Variants in CRLF1 observed in about 807,000 individuals in gnomAD.
The protein encoded by CRLF1 is cytokine receptor like factor 1, also known as cytokine receptor-like factor 1.
A neutral mutation model predicts 48.9 loss-of-function variants in CRLF1; 36 were observed. The observed-to-expected ratio is 0.74, with a 90% CI of 0.56 to 0.97. The LOEUF (loss-of-function observed/expected upper bound fraction) is 0.97, where lower values mean the gene tolerates loss of function less well. Among genes scored for constraint, CRLF1 ranks in the 50% least tolerant of loss-of-function variants. The pLI is 0.00. For missense variants in CRLF1, 534 were observed against 575.1 expected (o/e 0.93, Z 0.73); for synonymous variants, 256 against 253.4 (o/e 1.01, Z -0.10).
At chr19:18,593,685 C>T in intron 8 of CRLF1, 106 bp from the exon 9 acceptor site, 2 of 1,544,462 alleles carry the variant, frequency 1.3e-6, no homozygotes, top group Non-Finnish European at 1.7e-6. Context: ...CCGCTTCTGG[C>T]TGTGTGACTT....
At chr19:18,601,477 G>A (rs548757952) in intron 1 of CRLF1, among the ~76,000 whole-genome samples, 42 of 152,154 alleles carry the variant, frequency 2.8e-4, no homozygotes, top group Non-Finnish European at 5.3e-4. Context: ...TGGTTTCACC[G>A]TGCTGGTCAG....
intron 1 of CRLF1, among the ~76,000 whole-genome samples, chr19:18,604,738 A>G (rs1231564041): frequency 6.6e-6 from 1 of 151,956 alleles, no homozygotes; most frequent in East Asian, 1.9e-4. Context: ...CTTGGTTTGG[A>G]GGGCCTCCTA....
chr19:18,600,689 C>T (rs1470132070), intron 1 of CRLF1, among the ~76,000 whole-genome samples: 4 of 151,902 alleles, frequency 2.6e-5, no homozygotes, highest in African/African-American at 7.3e-5. Flanking sequence ...TTAGTAGAGA[C>T]GGGGTTTCAC....
intron 6 of CRLF1, among the ~76,000 whole-genome samples, chr19:18,594,852 T>TGGAGACGCAGGGTGGGTG (rs1976110172): frequency 6.6e-6 from 1 of 151,100 alleles, no homozygotes; most frequent in African/African-American, 2.4e-5. Flanking sequence ...GATGGAGAGA[T>TGGAGACGCAGGGTGGGTG]GGAGACGCAG....
intron 8 of CRLF1, 124 bp downstream of exon 8, chr19:18,593,941 C>T: frequency 6.7e-7 from 1 of 1,481,934 alleles, no homozygotes. Flanking sequence ...AGGAAGAGGA[C>T]GGATTCCATC....
At chr19:18,594,032 T>TTGA in intron 8 of CRLF1, 33 bp downstream of exon 8, 1 of 695,814 alleles carries the variant, frequency 1.4e-6, no homozygotes, top group Non-Finnish European at 2.2e-6. Context: ...CTCCCCTTGC[T>TTGA]CCCTCCCGCC....
chr19:18,600,602 A>G (rs1270618113), intron 1 of CRLF1, among the ~76,000 whole-genome samples: 1 of 151,990 alleles, frequency 6.6e-6, no homozygotes, highest in Non-Finnish European at 1.5e-5. Context: ...TCCTGACCTC[A>G]TGATCCATCC....
intron 1 of CRLF1, among the ~76,000 whole-genome samples, chr19:18,601,610 G>C (rs879836211): frequency 6.6e-6 from 1 of 151,900 alleles, no homozygotes. Context: ...CGCCATGTTG[G>C]CCAGGCTGGT....
Position 18,596,901 on chromosome 19 carries a change from C to G in CRLF1, c.846G>C (p.Val282=). Residue 282 remains valine (V), a synonymous_variant, in exon 5 of 9, where the codon GTG becomes GTC. Transcript: ENST00000392386. ...GGAAGGGGAGGGTCACCTTCCAGTC[C>G]ACACTGTCCTCCACTCGGTAGCGGA... ...YQIRYRVEDS[V]DWKVVDDVSN... 6.2e-7 allele frequency: 1 copy of G among 1,614,112 alleles called. No homozygotes were observed. The highest frequency in any genetic ancestry group is 8.5e-7 in the Non-Finnish European group (1 of 1,180,022).
chr19:18,603,914 G>C (rs1349467308), intron 1 of CRLF1, among the ~76,000 whole-genome samples: 1 of 151,720 alleles, frequency 6.6e-6, no homozygotes, highest in East Asian at 1.9e-4. Context: ...CTGGGGGCCA[G>C]GGGACCGCCC....
In CRLF1 at chr19:18,594,246, C is replaced by T. The variant is rs1326015349; in HGVS notation, c.1212+1G>A. The T allele has an allele frequency of 6.2e-7, 1 of 1,612,510 alleles. No individual in the cohort carries two copies. The highest frequency in any genetic ancestry group is 2.2e-5 in the East Asian group (1 of 44,832). ...CACGCCCGAGGGTCCCTCCTTCCTA[C>T]CTGGTTGCGGGTCTTGTGCGACTTC... On this transcript the variant is annotated splice_donor_variant, in intron 7 of 8. Transcript: ENST00000392386. LOFTEE classifies it high-confidence loss of function.
In CRLF1 at chr19:18,598,617, G is replaced by A. The variant is rs1026082637; in HGVS notation, c.528-16C>T. 2.7e-5 allele frequency: 43 copies of A among 1,613,864 alleles called. No individual in the cohort carries two copies. Among genetic ancestry groups the A allele is most frequent in the Non-Finnish European group, 3.6e-5 (43 of 1,179,988 alleles). On this transcript the variant is annotated splice_polypyrimidine_tract_variant and intron_variant, in intron 3 of 8. Coordinates refer to ENST00000392386, the MANE Select transcript of CRLF1 (RefSeq NM_004750.5). ...GCCATACCACCTGCGGGGATGGGAG[G>A]GCGACAGGACGCATGAGGGTTCCTT...
intron 1 of CRLF1, among the ~76,000 whole-genome samples, chr19:18,602,490 T>C (rs1244900037): frequency 6.6e-6 from 1 of 151,860 alleles, no homozygotes; most frequent in Non-Finnish European, 1.5e-5. Flanking sequence ...GGTGGCCCCA[T>C]GCCTGTGGTC....
intron 8 of CRLF1, 158 bp from the exon 9 acceptor site, chr19:18,593,737 C>A: frequency 1.0e-6 from 1 of 983,920 alleles, no homozygotes; most frequent in Non-Finnish European, 1.2e-6. Context: ...GCGAGGCTAT[C>A]TGAGCTGCAG....
chr19:18,597,520 C>T, intron 4 of CRLF1, among the ~76,000 whole-genome samples: 1 of 145,678 alleles, frequency 6.9e-6, no homozygotes, highest in Non-Finnish European at 1.5e-5. Context: ...AGCTCCGCCT[C>T]CCGGGTTCAC....
chr19:18,598,574 C>G lies in CRLF1; in HGVS notation c.555G>C (p.Glu185Asp). 1 of 1,614,068 alleles carries G rather than the reference C, an allele frequency of 6.2e-7. No individual in the cohort carries two copies. Among genetic ancestry groups the G allele is most frequent in the Non-Finnish European group, 8.5e-7 (1 of 1,179,968 alleles). ...LRWYGQDNTC[E>D]EYHTVGPHSC... ...AGTGGGGCCCCACTGTGTGGTACTC[C>G]TCACATGTGTTGTCCTGGCCATACC... Residue 185 changes from glutamate (E) to aspartate (D), a missense_variant, in exon 4 of 9, where the codon GAG (glutamate) becomes GAC (aspartate). Glu to Asp is a conservative substitution (Grantham distance 45). Transcript: ENST00000392386.
At chr19:18,594,731 G>T (rs1976107979) in intron 6 of CRLF1, among the ~76,000 whole-genome samples, 1 of 151,878 alleles carries the variant, frequency 6.6e-6, no homozygotes, top group South Asian at 2.1e-4. Flanking sequence ...GGGGAGGGGA[G>T]AATGAGAGAG....
intron 8 of CRLF1, 52 bp downstream of exon 8, chr19:18,594,013 G>C (rs1210884677): frequency 2.6e-6 from 4 of 1,539,148 alleles, no homozygotes; most frequent in Non-Finnish European, 3.5e-6. Flanking sequence ...GCAGCCACCG[G>C]AAGGGGCCCT....
rs1976149783 is a variant in CRLF1 at position 18,597,120 on chromosome 19, A to G, written c.698-71T>C. 4 of 1,528,692 alleles carry G rather than the reference A, an allele frequency of 2.6e-6. No homozygotes were observed. The South Asian group carries it at 3.7e-5, about 14-fold the overall frequency. The allele number at this position is 1,528,692 out of a possible 1,614,324, so 94.7% of individuals were successfully genotyped here. On this transcript the variant is annotated intron_variant, in intron 4 of 8. Coordinates refer to ENST00000392386, the MANE Select transcript of CRLF1 (RefSeq NM_004750.5). ...TTAACTCCCCCCAGCAGTGTGGCCCAGGGCACTTGGCCTAGATGGAACCTG... is the reference window on the plus strand; with the variant it reads ...TTAACTCCCCCCAGCAGTGTGGCCCGGGGCACTTGGCCTAGATGGAACCTG...
Sources: gnomAD v4.1 joint callset for allele counts (sites outside exome capture counted in the v4.1 genomes callset) on GRCh38, gnomAD v4.1.1 for gene constraint, MANE v1.5 for transcripts, NCBI Gene and HGNC (gene_info 2026-07-23, HGNC 2026-07-21) for gene names.